Variants in PIK3R2 observed in about 807,000 individuals in gnomAD.
PIK3R2 encodes the protein phosphatidylinositol 3-kinase regulatory subunit beta.
In PIK3R2, 40 loss-of-function variants were observed where a neutral mutation model predicts 78.5. The ratio of observed to expected loss-of-function variants is 0.51; its 90% CI spans 0.40 to 0.66. PIK3R2 has a LOEUF of 0.66. PIK3R2 is among the 30% of genes least tolerant of loss of function. The pLI is 0.00. For synonymous variants in PIK3R2, 473 were observed against 457.7 expected (o/e 1.03, Z -0.43); for missense variants, 880 against 1,026.6 (o/e 0.86, Z 1.95).
In PIK3R2 at chr19:18,168,997, A is replaced by G; in HGVS notation, c.1980-90A>G. On this transcript the variant is annotated intron_variant, in intron 15 of 15. Transcript: ENST00000222254. This position sits in a 1 kb window ranked among gnomAD's most constrained non-coding sequence, Gnocchi z 4.1. ...TTGGGAAGGAGTCCCTGGTGGGGTC[A>G]TCCGGGACAGGGGAGCACGCGGCCC... is the stretch of plus-strand genomic sequence containing the variant. 6.4e-7 allele frequency: 1 copy of G among 1,559,014 alleles called. No homozygotes were observed. The highest frequency in any genetic ancestry group is 8.8e-7 in the Non-Finnish European group (1 of 1,142,066).
Position 18,169,348 on chromosome 19 carries a change from G to T in PIK3R2, c.*54G>T. On this transcript the variant is annotated 3_prime_UTR_variant, in exon 16 of 16. Transcript: ENST00000222254. ...GCCCCTGGGCCCGTCTGCGCCGGAGGCTGCGGCGGCGGGAGCCACGGACCA... is the reference window on the plus strand; with the variant it reads ...GCCCCTGGGCCCGTCTGCGCCGGAGTCTGCGGCGGCGGGAGCCACGGACCA... 1 of 1,115,442 alleles carries T rather than the reference G, an allele frequency of 9.0e-7. No individual in the cohort carries two copies. Among genetic ancestry groups the T allele is most frequent in the South Asian group, 2.9e-5 (1 of 34,324 alleles). 69.1% of individuals were successfully genotyped at this position (1,115,442 alleles called of 1,614,324 possible). A position where few individuals can be genotyped will look rare whatever the true frequency, so the allele number is the denominator to read the frequency against.
rs1568641136 is a variant in PIK3R2, at chr19:18,169,681, C to T, written c.*387C>T. The T allele has an allele frequency of 8.9e-6, 2 of 225,374 alleles. No individual in the cohort carries two copies. The highest frequency in any genetic ancestry group is 1.8e-5 in the Non-Finnish European group (2 of 113,692). 14.0% of individuals were successfully genotyped at this position (225,374 alleles called of 1,614,324 possible). A position where few individuals can be genotyped will look rare whatever the true frequency, so the allele number is the denominator to read the frequency against. On this transcript the variant is annotated 3_prime_UTR_variant, in exon 16 of 16. Coordinates refer to ENST00000222254, the MANE Select transcript of PIK3R2 (RefSeq NM_005027.4). ...CACCTGCCATGTTTACAGAGGGCCC[C>T]TGGGCTGCGCGGCCCCAGCCTGGGC...
intron 11 of PIK3R2, among the ~76,000 whole-genome samples, chr19:18,164,946 G>A (rs1439520648): frequency 6.7e-6 from 1 of 149,868 alleles, no homozygotes; most frequent in Non-Finnish European, 1.5e-5. Context: ...TTAAAAGGTA[G>A]GCCGGGCACA....
chr19:18,168,816 G>A lies in PIK3R2; in HGVS notation c.1899G>A (p.Glu633=), dbSNP rs763777168. ...YVGKINRTQA[E]EMLSGKRDGT... ...GCAAGATCAACCGCACGCAGGCAGA[G>A]GAGATGCTGAGTGGCAAGCGGGATG... The change falls in exon 15 of 16, where the codon GAG becomes GAA. Residue 633 remains glutamate (E), a synonymous_variant. Transcript: ENST00000222254. The surrounding 1 kb of genome is among the most constrained non-coding windows in gnomAD (Gnocchi z 4.1). 4 of 1,614,010 alleles carry A rather than the reference G, an allele frequency of 2.5e-6. No individual in the cohort carries two copies. The highest frequency in any genetic ancestry group is 3.4e-6 in the Non-Finnish European group (4 of 1,179,958).
At chr19:18,166,881 C>A (rs1445092277) in intron 12 of PIK3R2, among the ~76,000 whole-genome samples, 1 of 151,436 alleles carries the variant, frequency 6.6e-6, no homozygotes, top group Non-Finnish European at 1.5e-5. Flanking sequence ...ATTCCTGCAA[C>A]CCCAACACTG....
At chr19:18,163,229 A>G in intron 10 of PIK3R2, 34 bp from the exon 11 acceptor site, 9 of 1,613,984 alleles carry the variant, frequency 5.6e-6, no homozygotes, top group Admixed American at 1.7e-5. Flanking sequence ...CGACCAGGCT[A>G]TGCATCTCCC....
intron 1 of PIK3R2, among the ~76,000 whole-genome samples, chr19:18,153,716 A>G (rs1416500676): frequency 6.6e-6 from 1 of 152,038 alleles, no homozygotes. Flanking sequence ...CGTCTGTGTG[A>G]GCGCTCAGGC....
rs2043835480 is a variant in PIK3R2 at position 18,168,787 on chromosome 19, G to A, written c.1870G>A (p.Val624Met). The change falls in exon 15 of 16, where the codon GTG (valine) becomes ATG (methionine). Residue 624 changes from valine to methionine, a missense_variant. Around this residue, in one of 3 missense-constraint regions of PIK3R2, gnomAD observed 268 missense variants for 299.1 expected, o/e 0.90. Transcript: ENST00000222254. This position sits in a 1 kb window ranked among gnomAD's most constrained non-coding sequence, Gnocchi z 4.1. ...GCACCACGAGGAACGCACTTGGTAC[G>A]TGGGCAAGATCAACCGCACGCAGGC... ...LPHHEERTWY[V>M]GKINRTQAEE... 5 of 1,613,944 alleles carry A rather than the reference G, an allele frequency of 3.1e-6. No homozygotes were observed. The highest frequency in any genetic ancestry group is 1.3e-5 in the African/African-American group (1 of 75,044).
At position 18,167,100 on chromosome 19, in the gene PIK3R2, G is replaced by A. The variant is rs200260704; in HGVS notation, c.1560-30G>A. ...GCAGTGAGCCGAGATAAAACCCTGAGGTCTCTGCGCCACCCCACCCCTCCC... is the reference window on the plus strand; with the variant it reads ...GCAGTGAGCCGAGATAAAACCCTGAAGTCTCTGCGCCACCCCACCCCTCCC... On this transcript the variant is annotated intron_variant, in intron 12 of 15. Transcript: ENST00000222254. This position sits in a 1 kb window ranked among gnomAD's most constrained non-coding sequence, Gnocchi z 4.5. The A allele has an allele frequency of 1.3e-6, 2 of 1,519,372 alleles. No individual in the cohort carries two copies. Among genetic ancestry groups the A allele is most frequent in the South Asian group, 2.6e-5 (2 of 77,794 alleles). 94.1% of individuals were successfully genotyped at this position (1,519,372 alleles called of 1,614,324 possible).
chr19:18,168,909 C>A lies in PIK3R2; in HGVS notation c.1979+13C>A. ...CCTGCTCCGTGGTGTGAGTGGACCG[C>A]AGCGGTGGGGATTCCCGCGTCCCTC... is the stretch of plus-strand genomic sequence containing the variant. On this transcript the variant is annotated intron_variant, in intron 15 of 15. Transcript: ENST00000222254. The surrounding 1 kb of genome is among the most constrained non-coding windows in gnomAD (Gnocchi z 4.1). 1 of 1,608,200 alleles carries A rather than the reference C, an allele frequency of 6.2e-7. No individual in the cohort carries two copies. The highest frequency in any genetic ancestry group is 8.5e-7 in the Non-Finnish European group (1 of 1,177,216).
In PIK3R2 at chr19:18,168,225, G is replaced by T. The variant is rs1396318747; in HGVS notation, c.1737-250G>T. On this transcript the variant is annotated intron_variant, in intron 13 of 15. Transcript: ENST00000222254. This position sits in a 1 kb window ranked among gnomAD's most constrained non-coding sequence, Gnocchi z 4.1. Reference sequence around the variant, plus strand: ...AGGGGCCTGGGCTGGCATCTTCTTGGGGGACTCCATAGGCGTTAACAGAAA... The same window carrying T: ...AGGGGCCTGGGCTGGCATCTTCTTGTGGGACTCCATAGGCGTTAACAGAAA... Among the ~76,000 whole-genome samples, 1 of 152,188 alleles carries T rather than the reference G, an allele frequency of 6.6e-6. No individual in the cohort carries two copies. The highest frequency in any genetic ancestry group is 2.4e-5 in the African/African-American group (1 of 41,434).
chr19:18,153,449 G>A (rs908499695), intron 1 of PIK3R2, among the ~76,000 whole-genome samples, 155 bp downstream of exon 1: 1 of 152,206 alleles, frequency 6.6e-6, no homozygotes, highest in African/African-American at 2.4e-5. Context: ...GCAAGGGGGG[G>A]CCTCGGGCTC....
chr19:18,166,100 C>A lies in PIK3R2; in HGVS notation c.1417-60C>A, dbSNP rs764077473. ...GTATCAGAGTTGAGATGTGCCTTTA[C>A]CCCTCACGAGGGCCTTTTGGGGAGT... On this transcript the variant is annotated intron_variant, in intron 11 of 15. Coordinates refer to ENST00000222254, the MANE Select transcript of PIK3R2 (RefSeq NM_005027.4). 6.8e-6 allele frequency: 11 copies of A among 1,608,740 alleles called. No individual in the cohort carries two copies. In the South Asian group the frequency reaches 1.2e-4, roughly 18 times the overall value.
intron 2 of PIK3R2, among the ~76,000 whole-genome samples, chr19:18,160,008 G>T (rs764475036): frequency 6.6e-6 from 1 of 152,146 alleles, no homozygotes; most frequent in Non-Finnish European, 1.5e-5. Flanking sequence ...CAAAGTGCTG[G>T]GATTCCAGGC....
chr19:18,155,020 C>G (rs1361387584), intron 1 of PIK3R2, among the ~76,000 whole-genome samples: 1 of 151,870 alleles, frequency 6.6e-6, no homozygotes, highest in Non-Finnish European at 1.5e-5. Flanking sequence ...TCAAGACCAG[C>G]CTGGCCAACA....
chr19:18,169,842 G>T lies in PIK3R2; in HGVS notation c.*548G>T, dbSNP rs143200495. On this transcript the variant is annotated 3_prime_UTR_variant, in exon 16 of 16. Coordinates refer to ENST00000222254, the MANE Select transcript of PIK3R2 (RefSeq NM_005027.4). ...GACTCCAACTTCCCCTCCAAACCCC[G>T]AAGTGAAACCCGCCACCGGGTTACC... is the stretch of plus-strand genomic sequence containing the variant. 2 of 204,204 alleles carry T rather than the reference G, an allele frequency of 9.8e-6. No homozygotes were observed. The highest frequency in any genetic ancestry group is 4.6e-5 in the African/African-American group (2 of 43,642). The allele number at this position is 204,204 out of a possible 1,614,324, so 12.6% of individuals were successfully genotyped here.
Position 18,161,410 on chromosome 19 carries a change from C to A in PIK3R2, c.730C>A (p.Arg244=), listed in dbSNP as rs1366849937. 1.2e-5 allele frequency: 14 copies of A among 1,214,812 alleles called. No individual in the cohort carries two copies. In the East Asian group the frequency reaches 2.8e-4, roughly 25 times the overall value. The allele number at this position is 1,214,812 out of a possible 1,614,324, so 75.3% of individuals were successfully genotyped here. The change falls in exon 6 of 16, where the codon CGG becomes AGG. Residue 244 remains arginine, a synonymous_variant. Transcript: ENST00000222254. The surrounding 1 kb of genome is among the most constrained non-coding windows in gnomAD (Gnocchi z 5.3). ...SRAPALGPAV[R]ALGATFGPLL... ...CGCCCCGGCCCTGGGTCCCGCGGTC[C>A]GGGCCCTGGGCGCCACCTTTGGGCC...
Position 18,160,518 on chromosome 19 carries a change from G to T in PIK3R2, c.370G>T (p.Ala124Ser), listed in dbSNP as rs1333759551. ...CGAGCAGTTCTCCCCACCTGATGTG[G>T]CTCCCCCTCTTCTGGTGAAGCTTGT... ...LPEQFSPPDV[A>S]PPLLVKLVEA... is the part of the protein sequence containing the mutation. Residue 124 changes from alanine (A) to serine (S), a missense_variant, in exon 3 of 16, where the codon GCT becomes TCT. Physicochemically the swap from Ala to Ser is moderately conservative, Grantham distance 99. Transcript: ENST00000222254. 4.3e-6 allele frequency: 7 copies of T among 1,613,894 alleles called. No individual in the cohort carries two copies. In the South Asian group the frequency reaches 5.5e-5, roughly 13 times the overall value.
At chr19:18,157,734 C>CCT (rs2043693074) in intron 2 of PIK3R2, among the ~76,000 whole-genome samples, 2 of 127,086 alleles carry the variant, frequency 1.6e-5, no homozygotes, top group African/African-American at 6.1e-5. Flanking sequence ...TGTCCTTTTC[C>CCT]TTTTTTTTTT....
Sources: gnomAD v4.1 joint callset for allele counts (sites outside exome capture counted in the v4.1 genomes callset) on GRCh38, gnomAD v4.1.1 for gene constraint, gnomAD v4.1.1 regional missense constraint, Gnocchi (gnomAD v3.1) non-coding constraint, MANE v1.5 for transcripts, NCBI Gene and HGNC (gene_info 2026-07-23, HGNC 2026-07-21) for gene names.